TBK1: variants seen among roughly 807,000 people sequenced by gnomAD.
TBK1 encodes the protein serine/threonine-protein kinase TBK1.
Under a neutral mutation model 99.9 loss-of-function variants are expected in TBK1, and 37 were observed. The observed-to-expected ratio is 0.37, with a 90% confidence interval of 0.28 to 0.49. TBK1 has a LOEUF of 0.49. Ranked by LOEUF, TBK1 falls within the 20% of genes least tolerant of loss-of-function variation. The probability of loss-of-function intolerance (pLI) is 0.98; values close to 1 mark genes in which losing one functional copy is unlikely to be tolerated. For synonymous variants in TBK1, 258 were observed against 279.8 expected (o/e 0.92, Z 0.78); for missense variants, 644 against 872.5 (o/e 0.74, Z 3.30).
intron 4 of TBK1, among the ~76,000 whole-genome samples, chr12:64,466,243 C>T (rs1035788964): frequency 6.6e-6 from 1 of 152,084 alleles, no homozygotes; most frequent in African/African-American, 2.4e-5. Context: ...TGAATTTGAA[C>T]ATTCATCTAT....
chr12:64,495,575 T>G lies in TBK1; in HGVS notation c.1614T>G (p.His538Gln), dbSNP rs1193862216. Residue 538 changes from histidine (H) to glutamine (Q), a missense_variant, in exon 14 of 21, where the codon CAT becomes CAG. By Grantham distance (24) the His-to-Gln change is conservative. Around this residue, in one of 3 missense-constraint regions of TBK1, gnomAD observed 465 missense variants for 588.0 expected, o/e 0.79. Transcript: ENST00000331710. ...PGGSLADAWA[H>Q]QEGTHPKDRN... ...GATCACTGGCAGACGCATGGGCACA[T>G]CAAGAAGGCACTCATCCGAAAGACA... 2.5e-6 allele frequency: 4 copies of G among 1,613,954 alleles called. No individual in the cohort carries two copies. Among genetic ancestry groups the G allele is most frequent in the Non-Finnish European group, 3.4e-6 (4 of 1,179,964 alleles).
intron 4 of TBK1, among the ~76,000 whole-genome samples, chr12:64,465,513 A>T (rs1331254951): frequency 2.0e-5 from 3 of 149,498 alleles, no homozygotes; most frequent in African/African-American, 7.4e-5. Flanking sequence ...AAAAAAAAAA[A>T]GATGAAAACA....
intron 20 of TBK1, among the ~76,000 whole-genome samples, chr12:64,499,693 CTTT>C (rs56725684): frequency 2.4e-5 from 2 of 82,940 alleles, no homozygotes; most frequent in African/African-American, 4.9e-5. Context: ...TAAAGATGTG[CTTT>C]TTTTTTTTTT....
intron 18 of TBK1, 29 bp from the exon 19 acceptor site, chr12:64,497,619 T>C: frequency 7.7e-7 from 1 of 1,304,238 alleles, no homozygotes; most frequent in Non-Finnish European, 1.1e-6. Context: ...TGGGGTTTTT[T>C]TCTTTTTTTT....
rs1304586454 is a variant in TBK1 at position 64,497,245 on chromosome 12, G to C, written c.1945G>C (p.Glu649Gln). 1 of 1,586,852 alleles carries C rather than the reference G, an allele frequency of 6.3e-7. No homozygotes were observed. Among genetic ancestry groups the C allele is most frequent in the African/African-American group, 1.3e-5 (1 of 74,166 alleles). The stretch of plus-strand genomic sequence containing the variant: ...TGAAGAAGAAGTATCAAAATATCAA[G>C]AATATACTAATGAGGTAGGTACAGC... ...DIEEEVSKYQ[E>Q]YTNELQETLP... The change falls in exon 18 of 21, where the codon GAA becomes CAA. Residue 649 changes from glutamate to glutamine, a missense_variant. Around this residue, in one of 3 missense-constraint regions of TBK1, gnomAD observed 465 missense variants for 588.0 expected, o/e 0.79. Coordinates refer to ENST00000331710, the MANE Select transcript of TBK1 (RefSeq NM_013254.4).
chr12:64,455,791 G>C (rs2040480611), intron 1 of TBK1, 49 bp from the exon 2 acceptor site: 1 of 917,334 alleles, frequency 1.1e-6, no homozygotes, highest in Non-Finnish European at 1.7e-6. Context: ...TTGTTTCTTA[G>C]CTGTGTTACT....
At chr12:64,491,957 C>T (rs1423646907) in intron 13 of TBK1, among the ~76,000 whole-genome samples, 1 of 152,196 alleles carries the variant, frequency 6.6e-6, no homozygotes, top group Non-Finnish European at 1.5e-5. Flanking sequence ...TATATACACA[C>T]TTTAAATGTT....
chr12:64,454,015 A>C (rs376926081), intron 1 of TBK1, among the ~76,000 whole-genome samples: 21 of 151,996 alleles, frequency 1.4e-4, no homozygotes, highest in African/African-American at 5.1e-4. Context: ...ATTTTAGCTT[A>C]TGGGAATATT....
intron 10 of TBK1, 32 bp from the exon 11 acceptor site, chr12:64,485,894 C>T: frequency 6.7e-7 from 1 of 1,486,048 alleles, no homozygotes; most frequent in Non-Finnish European, 9.1e-7. Context: ...CCACAATTAG[C>T]ACCAAATATT....
chr12:64,493,188 C>A (rs1338202159), intron 13 of TBK1, among the ~76,000 whole-genome samples: 1 of 152,086 alleles, frequency 6.6e-6, no homozygotes, highest in Non-Finnish European at 1.5e-5. Context: ...GCCACTGCGC[C>A]CGGCTTCGTA....
At chr12:64,462,945 G>A (rs1438941238) in intron 3 of TBK1, among the ~76,000 whole-genome samples, 1 of 152,142 alleles carries the variant, frequency 6.6e-6, no homozygotes, top group Non-Finnish European at 1.5e-5. Flanking sequence ...CTGCAAGAGG[G>A]ACCACTCAGC....
chr12:64,492,969 C>T (rs1035681976), intron 13 of TBK1, among the ~76,000 whole-genome samples: 8 of 149,876 alleles, frequency 5.3e-5, no homozygotes, highest in Non-Finnish European at 1.2e-4. Flanking sequence ...AGTCTCGGCT[C>T]ACCACAAGCT....
chr12:64,466,553 T>G (rs1290729968), intron 4 of TBK1, among the ~76,000 whole-genome samples: 1 of 152,072 alleles, frequency 6.6e-6, no homozygotes, highest in Non-Finnish European at 1.5e-5. Context: ...TTTTTGGGAA[T>G]CTTTATTATT....
chr12:64,464,236 G>A (rs1011083648), intron 3 of TBK1, 98 bp from the exon 4 acceptor site: 1 of 995,822 alleles, frequency 1.0e-6, no homozygotes, highest in Non-Finnish European at 1.4e-6. Flanking sequence ...CTTCATCATT[G>A]TAGCAAATCC....
chr12:64,479,444 T>C (rs2040746063), intron 6 of TBK1, among the ~76,000 whole-genome samples: 1 of 152,210 alleles, frequency 6.6e-6, no homozygotes, highest in African/African-American at 2.4e-5. Flanking sequence ...TGTTCTATTT[T>C]TTAAAAAAAT....
At chr12:64,481,446 C>T (rs1043833604) in intron 7 of TBK1, among the ~76,000 whole-genome samples, 3 of 151,998 alleles carry the variant, frequency 2.0e-5, no homozygotes, top group South Asian at 2.1e-4. Flanking sequence ...ACAAATCAGC[C>T]GTGAAAACAA....
chr12:64,460,782 TG>T (rs1342379212), intron 3 of TBK1, among the ~76,000 whole-genome samples: 13 of 141,074 alleles, frequency 9.2e-5, no homozygotes, highest in Non-Finnish European at 1.8e-4. Flanking sequence ...CACAGTGAGC[TG>T]AGATCGCACC....
At chr12:64,474,052 A>G (rs1213877863) in intron 5 of TBK1, among the ~76,000 whole-genome samples, 178 bp from the exon 6 acceptor site, 2 of 152,190 alleles carry the variant, frequency 1.3e-5, no homozygotes, top group African/African-American at 4.8e-5. Flanking sequence ...CTGAGGATCA[A>G]AGGAGGTGGT....
chr12:64,467,930 C>G (rs745818845), intron 5 of TBK1, among the ~76,000 whole-genome samples: 5 of 152,170 alleles, frequency 3.3e-5, no homozygotes, highest in Non-Finnish European at 7.3e-5. Context: ...CACAGTGGCT[C>G]ATGCCTATAA....
Sources: allele counts gnomAD v4.1 joint callset (sites outside exome capture counted in the v4.1 genomes callset), GRCh38; gene constraint gnomAD v4.1.1; regional missense constraint gnomAD v4.1.1; transcripts MANE v1.5; gene names NCBI Gene and HGNC (gene_info 2026-07-23, HGNC 2026-07-21).